The following PRSS38 variants were observed in gnomAD, a reference collection of about 807,000 sequenced individuals.
PRSS38 encodes the protein marapsin 2.
In PRSS38, 22 loss-of-function variants were observed where a neutral mutation model predicts 26.8. The observed-to-expected ratio is 0.82, with a 90% CI of 0.59 to 1.17. PRSS38 has a LOEUF of 1.17. PRSS38 is among the 50% of genes most tolerant of loss of function. The pLI is 0.00. For missense variants in PRSS38, 427 were observed against 422.7 expected (o/e 1.01, Z -0.09); for synonymous variants, 175 against 172.1 (o/e 1.02, Z -0.13).
At chr1:227,841,952 T>A (rs1340666755) in intron 3 of PRSS38, among the ~76,000 whole-genome samples, 1 of 152,068 alleles carries the variant, frequency 6.6e-6, no homozygotes, top group Non-Finnish European at 1.5e-5. Flanking sequence ...CTGCTTCCAC[T>A]CATGGGGAAG....
rs995502284 is a variant in PRSS38, at chr1:227,818,082, ATTTTATC to A, written c.583+609_583+615del. Among the ~76,000 whole-genome samples, 205 of 152,060 alleles carry A rather than the reference ATTTTATC, an allele frequency of 1.3e-3. 1 individual carries two copies. The highest frequency in any genetic ancestry group is 4.7e-3 in the African/African-American group (195 of 41,472). On this transcript the variant is annotated intron_variant, in intron 3 of 4. Transcript: ENST00000366757. ...GACTATTTTATCACTCTCTTCCCATATTTTATCTTTTATTTATTTTTCTTGTCTTCTT... is the reference window on the plus strand; with the variant it reads ...GACTATTTTATCACTCTCTTCCCATATTTTATTTATTTTTCTTGTCTTCTT...
At chr1:227,839,471 GA>G (rs771221984) in intron 3 of PRSS38, among the ~76,000 whole-genome samples, 7 of 106,888 alleles carry the variant, frequency 6.5e-5, no homozygotes, top group Admixed American at 3.7e-4. Context: ...CTGTCTCAAA[GA>G]AAAAAAAGGT....
exon 1 of PRSS38, chr1:227,815,827 G>A (rs1175709290): frequency 1.2e-6 from 2 of 1,611,688 alleles, no homozygotes; most frequent in Non-Finnish European, 1.7e-6. Context: ...TCCACAGACA[G>A]CCAGAGAACC....
At chr1:227,826,402 G>A (rs905628268) in intron 3 of PRSS38, among the ~76,000 whole-genome samples, 18 of 152,032 alleles carry the variant, frequency 1.2e-4, no homozygotes, top group Admixed American at 1.1e-3. Flanking sequence ...TGGACAGAAC[G>A]TCCAATATTA....
intron 3 of PRSS38, among the ~76,000 whole-genome samples, chr1:227,833,197 A>G (rs1190578167): frequency 6.6e-6 from 1 of 152,146 alleles, no homozygotes; most frequent in East Asian, 1.9e-4. Flanking sequence ...TTTATATGTA[A>G]TTAGAAGAGG....
chr1:227,845,966 G>A (rs148707018), exon 5 of PRSS38: 1 of 1,614,078 alleles, frequency 6.2e-7, no homozygotes, highest in Non-Finnish European at 8.5e-7. Flanking sequence ...CGACTCCGGG[G>A]GCCCACTTGT....
intron 3 of PRSS38, among the ~76,000 whole-genome samples, chr1:227,835,543 C>T (rs771890288): frequency 6.6e-6 from 1 of 152,178 alleles, no homozygotes; most frequent in Admixed American, 6.5e-5. Context: ...GCACTATTCA[C>T]GTAGCCAAAA....
At chr1:227,845,862 G>A in intron 4 of PRSS38, 92 bp from the exon 5 acceptor site, 1 of 1,535,668 alleles carries the variant, frequency 6.5e-7, no homozygotes. Context: ...AGCAGGGTCT[G>A]CACAGCCACC....
At chr1:227,846,058 G>A (rs774317219) in exon 5 of PRSS38, 2 of 1,614,108 alleles carry the variant, frequency 1.2e-6, no homozygotes, top group East Asian at 4.5e-5. Context: ...ACCCTGGAGT[G>A]TATGCCAGTG....
intron 3 of PRSS38, among the ~76,000 whole-genome samples, chr1:227,820,376 T>C (rs1406882477): frequency 6.6e-6 from 1 of 152,166 alleles, no homozygotes; most frequent in Non-Finnish European, 1.5e-5. Flanking sequence ...ATCCTTGTTT[T>C]GTTTCTGATC....
intron 3 of PRSS38, among the ~76,000 whole-genome samples, chr1:227,818,149 G>C (rs1664949478): frequency 1.3e-5 from 2 of 152,094 alleles, no homozygotes; most frequent in African/African-American, 4.8e-5. Flanking sequence ...AATGATGCCA[G>C]ATCTTGTCTT....
chr1:227,836,382 A>G (rs956832757), intron 3 of PRSS38, among the ~76,000 whole-genome samples: 2 of 146,226 alleles, frequency 1.4e-5, no homozygotes, highest in African/African-American at 5.5e-5. Context: ...CACCAAGCCA[A>G]AAAAGTTTTT....
At chr1:227,824,763 C>A (rs982927260) in intron 3 of PRSS38, among the ~76,000 whole-genome samples, 11 of 152,158 alleles carry the variant, frequency 7.2e-5, no homozygotes, top group Admixed American at 6.5e-4. Context: ...AATAGCCATT[C>A]TGACTGACAT....
At chr1:227,844,599 T>TTCCCTATGTGTGGTGGGGCTCC (rs1446605160) in intron 3 of PRSS38, among the ~76,000 whole-genome samples, 4 of 123,784 alleles carry the variant, frequency 3.2e-5, no homozygotes, top group African/African-American at 7.2e-5. Flanking sequence ...AGTGGGGCTC[T>TTCCCTATGTGTGGTGGGGCTCC]TCCCTATGTG....
exon 5 of PRSS38, chr1:227,846,157 G>T (rs1202225458): frequency 1.2e-6 from 2 of 1,613,476 alleles, no homozygotes; most frequent in Non-Finnish European, 1.7e-6. Context: ...CAGCTCTGGG[G>T]CCCACTCTCA....
intron 3 of PRSS38, among the ~76,000 whole-genome samples, chr1:227,833,976 G>C (rs1270599061): frequency 1.3e-5 from 2 of 152,150 alleles, no homozygotes; most frequent in Non-Finnish European, 2.9e-5. Flanking sequence ...TTAAGATGAG[G>C]ATGTTAGGGT....
Position 227,816,785 on chromosome 1 carries a change from G to A in PRSS38, c.312-424G>A, listed in dbSNP as rs574213468. On this transcript the variant is annotated intron_variant, in intron 2 of 4. Transcript: ENST00000366757. This position sits in a 1 kb window ranked among gnomAD's most constrained non-coding sequence, Gnocchi z 5.1. The stretch of plus-strand genomic sequence containing the variant: ...AGGCTGCTCCTCAAGTGCACAGCCA[G>A]GTCCTCATAAGCAAGGCTGGTCTCT... Among the ~76,000 whole-genome samples, 34 of 152,220 alleles carry A rather than the reference G, an allele frequency of 2.2e-4. No homozygotes were observed. Among genetic ancestry groups the A allele is most frequent in the Non-Finnish European group, 3.7e-4 (25 of 68,046 alleles).
At chr1:227,817,007 C>G (rs1296814324) in intron 2 of PRSS38, among the ~76,000 whole-genome samples, 1 of 152,184 alleles carries the variant, frequency 6.6e-6, no homozygotes, top group Non-Finnish European at 1.5e-5. Flanking sequence ...GACTTGGGTC[C>G]CCAGAGCCTC....
chr1:227,843,205 G>A (rs778490861), intron 3 of PRSS38, among the ~76,000 whole-genome samples: 1 of 152,162 alleles, frequency 6.6e-6, no homozygotes, highest in Admixed American at 6.5e-5. Context: ...GCTGCAGGCC[G>A]CAAGACTTGG....
Sources: gnomAD v4.1 joint callset for allele counts (sites outside exome capture counted in the v4.1 genomes callset) on GRCh38, gnomAD v4.1.1 for gene constraint, Gnocchi (gnomAD v3.1) non-coding constraint, MANE v1.5 for transcripts, NCBI Gene and HGNC (gene_info 2026-07-23, HGNC 2026-07-21) for gene names.